AGBL1: variants seen among roughly 807,000 people sequenced by gnomAD.
AGBL1 encodes the protein cytosolic carboxypeptidase 4.
AGBL1 carries 130 observed loss-of-function variants against 118.9 expected under a neutral mutation model. The ratio of observed to expected loss-of-function variants is 1.09; its 90% CI spans 0.95 to 1.26. The LOEUF (loss-of-function observed/expected upper bound fraction) is 1.26. Among genes scored for constraint, AGBL1 ranks in the 50% most tolerant of loss-of-function variants. AGBL1 has a pLI of 0.00. For missense variants in AGBL1, 1,584 were observed against 1,298.1 expected (o/e 1.22, Z -3.38); for synonymous variants, 555 against 478.9 (o/e 1.16, Z -2.08).
chr15:86,277,171 C>G (rs1292903296), intron 15 of AGBL1, among the ~76,000 whole-genome samples: 1 of 145,252 alleles, frequency 6.9e-6, no homozygotes, highest in Admixed American at 6.9e-5. Flanking sequence ...TTTGGAATTC[C>G]AGCAGTGTGC....
At chr15:86,788,967 G>A (rs2078453887) in intron 22 of AGBL1, among the ~76,000 whole-genome samples, 1 of 152,218 alleles carries the variant, frequency 6.6e-6, no homozygotes. Context: ...CTGCTGGCAG[G>A]CAGTAGGGTT....
chr15:86,376,993 C>T (rs1211936814), intron 17 of AGBL1, among the ~76,000 whole-genome samples: 1 of 152,124 alleles, frequency 6.6e-6, no homozygotes, highest in African/African-American at 2.4e-5. Flanking sequence ...CCAAGCTAGA[C>T]CATATTAATT....
rs142085459 is a variant in AGBL1, at chr15:86,735,525, C to G, written c.3158+61089C>G. Among the ~76,000 whole-genome samples the G allele has an allele frequency of 7.9e-5, 12 of 151,764 alleles. 1 individual carries two copies. In the East Asian group the frequency reaches 2.3e-3, roughly 29 times the overall value. On this transcript the variant is annotated intron_variant, in intron 22 of 22. Coordinates refer to ENST00000614907, the MANE Select transcript of AGBL1 (RefSeq NM_001386094.1). ...TCTATCTATCTATCTATCTATAAAT[C>G]AAATCTCCTGTCTTCCTCCAACTAT...
At chr15:86,820,511 TG>T (rs2078925449) in intron 22 of AGBL1, among the ~76,000 whole-genome samples, 1 of 152,106 alleles carries the variant, frequency 6.6e-6, no homozygotes, top group South Asian at 2.1e-4. Context: ...CATCCAAAAG[TG>T]GGAGAAGGAT....
At chr15:86,398,643 A>G (rs139359038) in intron 18 of AGBL1, among the ~76,000 whole-genome samples, 4 of 152,284 alleles carry the variant, frequency 2.6e-5, no homozygotes, top group African/African-American at 9.6e-5. Flanking sequence ...TAAAATGAAA[A>G]TGACTTAAAA....
chr15:86,932,082 G>A (rs1048951685), intron 23 of AGBL1, among the ~76,000 whole-genome samples: 8 of 152,148 alleles, frequency 5.3e-5, no homozygotes, highest in Non-Finnish European at 8.8e-5. Flanking sequence ...TACTCACGGA[G>A]GAAGTGAGGC....
intron 15 of AGBL1, among the ~76,000 whole-genome samples, chr15:86,278,961 C>A (rs1172452940): frequency 6.6e-6 from 1 of 152,182 alleles, no homozygotes; most frequent in African/African-American, 2.4e-5. Flanking sequence ...AAATATATTC[C>A]TTTGGGAAGA....
chr15:86,081,306 G>A (rs1189096072), intron 1 of AGBL1, among the ~76,000 whole-genome samples: 1 of 152,282 alleles, frequency 6.6e-6, no homozygotes, highest in South Asian at 2.1e-4. Flanking sequence ...CTCCCAAAAT[G>A]CTGGGATTAC....
chr15:86,528,460 C>T (rs940020162), intron 19 of AGBL1, among the ~76,000 whole-genome samples: 8 of 151,974 alleles, frequency 5.3e-5, no homozygotes, highest in African/African-American at 1.9e-4. Flanking sequence ...GGGTCCTACA[C>T]CCACGGAATC....
chr15:86,439,905 C>T (rs536745796), intron 18 of AGBL1, among the ~76,000 whole-genome samples: 46 of 152,294 alleles, frequency 3.0e-4, no homozygotes, highest in African/African-American at 9.9e-4. Flanking sequence ...ACAGAGCACA[C>T]GGCCCCAGTG....
intron 21 of AGBL1, among the ~76,000 whole-genome samples, chr15:86,632,630 G>GTTTTTTTTTTTTT (rs61180689): frequency 7.0e-6 from 1 of 143,554 alleles, no homozygotes; most frequent in Non-Finnish European, 1.5e-5. Flanking sequence ...ATCTCATCAT[G>GTTTTTTTTTTTTT]TTTTTTTTTT....
chr15:86,964,482 C>T (rs907400775), intron 23 of AGBL1, among the ~76,000 whole-genome samples: 3 of 151,894 alleles, frequency 2.0e-5, no homozygotes, highest in Admixed American at 1.3e-4. Flanking sequence ...TGATTGGAAG[C>T]TACTGATCTA....
intron 21 of AGBL1, among the ~76,000 whole-genome samples, chr15:86,565,558 A>G (rs976691290): frequency 6.6e-6 from 1 of 152,206 alleles, no homozygotes; most frequent in Non-Finnish European, 1.5e-5. Flanking sequence ...GGTGCCTCCC[A>G]GTTAGGCTAC....
chr15:86,968,666 C>A (rs1482181109), intron 23 of AGBL1, among the ~76,000 whole-genome samples: 2 of 151,862 alleles, frequency 1.3e-5, no homozygotes, highest in African/African-American at 4.8e-5. Flanking sequence ...CTCCCTTATC[C>A]CACACCATGA....
At chr15:86,754,148 C>A (rs1321643836) in intron 22 of AGBL1, among the ~76,000 whole-genome samples, 1 of 152,016 alleles carries the variant, frequency 6.6e-6, no homozygotes, top group Non-Finnish European at 1.5e-5. Flanking sequence ...TATGTTTGTG[C>A]AGATTTAAAC....
chr15:86,590,074 C>T (rs899573179), intron 21 of AGBL1, among the ~76,000 whole-genome samples: 3 of 152,162 alleles, frequency 2.0e-5, no homozygotes, highest in Non-Finnish European at 4.4e-5. Flanking sequence ...CAGGGAGAAC[C>T]ACAGAGTGAT....
At chr15:86,392,008 T>G (rs1481934674) in intron 17 of AGBL1, among the ~76,000 whole-genome samples, 1 of 152,170 alleles carries the variant, frequency 6.6e-6, no homozygotes, top group Non-Finnish European at 1.5e-5. Flanking sequence ...CCTTAGTATT[T>G]GAAAATACTT....
At chr15:86,688,134 G>A (rs2086095519) in intron 22 of AGBL1, among the ~76,000 whole-genome samples, 1 of 152,182 alleles carries the variant, frequency 6.6e-6, no homozygotes, top group Non-Finnish European at 1.5e-5. Context: ...TTTCATGTAT[G>A]AATGCAGCTA....
chr15:86,818,102 G>A (rs149472064), intron 22 of AGBL1, among the ~76,000 whole-genome samples: 1,602 of 151,712 alleles, frequency 0.011, 25 homozygotes, highest in Admixed American at 0.011. Context: ...GTGCGTGTGC[G>A]TGTATGTGAC....
Sources: gnomAD v4.1 joint callset for allele counts (sites outside exome capture counted in the v4.1 genomes callset) on GRCh38, gnomAD v4.1.1 for gene constraint, MANE v1.5 for transcripts, NCBI Gene and HGNC (gene_info 2026-07-23, HGNC 2026-07-21) for gene names.